Variants in ANKRD28 observed in about 807,000 individuals in gnomAD.
ANKRD28 encodes the protein ankyrin repeat domain 28, also known as serine/threonine-protein phosphatase 6 regulatory ankyrin repeat subunit A.
ANKRD28 carries 44 observed loss-of-function variants against 126.5 expected under a neutral mutation model. That is an observed-to-expected ratio of 0.35 (90% CI 0.27 to 0.45). The LOEUF (loss-of-function observed/expected upper bound fraction) is 0.45, where lower values mean the gene tolerates loss of function less well. Ranked by LOEUF, ANKRD28 falls within the 20% of genes least tolerant of loss-of-function variation. The probability of loss-of-function intolerance (pLI) is 1.00; values close to 1 mark genes in which losing one functional copy is unlikely to be tolerated. For missense variants in ANKRD28, 1,110 were observed against 1,316.6 expected, an observed-to-expected ratio of 0.84 and a Z score of 2.43; for synonymous variants, 442 against 468.5, an observed-to-expected ratio of 0.94 and a Z score of 0.73.
intron 4 of ANKRD28, among the ~76,000 whole-genome samples, chr3:15,746,803 C>G (rs796519398): frequency 3.3e-5 from 5 of 152,248 alleles, no homozygotes; most frequent in African/African-American, 9.6e-5. Context: ...TGATAGAATT[C>G]AGCTGTGAAT....
At chr3:15,705,069 A>G (rs1232550244) in intron 14 of ANKRD28, among the ~76,000 whole-genome samples, 1 of 152,218 alleles carries the variant, frequency 6.6e-6, no homozygotes, top group Non-Finnish European at 1.5e-5. Context: ...TGGAAACTCC[A>G]AGATTTAAAT....
At chr3:15,772,711 G>A (rs1559506520) in intron 2 of ANKRD28, among the ~76,000 whole-genome samples, 1 of 152,124 alleles carries the variant, frequency 6.6e-6, no homozygotes, top group Non-Finnish European at 1.5e-5. Flanking sequence ...TTTTGAGGCA[G>A]AGTCTCCCTC....
In ANKRD28 at chr3:15,859,495, T is replaced by C; in HGVS notation, c.-92A>G. Reference sequence around the variant, plus strand: ...GCCCACTGCTCCCGCCCCAGTAGCCTTGGCCGCTGCCCGGGACCAGCGGGT... The same window carrying C: ...GCCCACTGCTCCCGCCCCAGTAGCCCTGGCCGCTGCCCGGGACCAGCGGGT... On this transcript the variant is annotated 5_prime_UTR_variant, in exon 1 of 28. Transcript: ENST00000399451. The C allele has an allele frequency of 1.8e-5, 23 of 1,244,446 alleles. 1 individual carries two copies. In the South Asian group the frequency reaches 3.2e-4, roughly 17 times the overall value. The allele number at this position is 1,244,446 out of a possible 1,614,324, so 77.1% of individuals were successfully genotyped here.
At chr3:15,694,070 C>A (rs1365903855) in intron 17 of ANKRD28, among the ~76,000 whole-genome samples, 1 of 152,106 alleles carries the variant, frequency 6.6e-6, no homozygotes, top group East Asian at 1.9e-4. Flanking sequence ...CCCTACAACT[C>A]TAACATGCTT....
intron 3 of ANKRD28, among the ~76,000 whole-genome samples, chr3:15,758,942 C>G (rs780610578): frequency 7.2e-5 from 11 of 152,172 alleles, no homozygotes; most frequent in Admixed American, 2.6e-4. Context: ...TTCCACAATG[C>G]AGTCATTTAA....
chr3:15,842,034 A>AT (rs2061433440), intron 1 of ANKRD28, among the ~76,000 whole-genome samples: 1 of 148,898 alleles, frequency 6.7e-6, no homozygotes. Context: ...ATTGTGTATA[A>AT]TTTTTATATA....
Position 15,670,366 on chromosome 3 carries a change from A to G in ANKRD28, c.3156T>C (p.Pro1052=). The stretch of plus-strand genomic sequence containing the variant: ...TGTTATTGAAACTGCAATAGGAGCT[A>G]GGTTCATTCCTCATGATGGGCAAAG... The part of the protein sequence containing the change: ...FEALPIMRNE[P]SSYCSFNNIG... The change falls in exon 28 of 28, where the codon CCT becomes CCC. Residue 1052 remains proline (P), a synonymous_variant. Transcript: ENST00000683139. The G allele has an allele frequency of 6.2e-7, 1 of 1,613,974 alleles. No homozygotes were observed. The highest frequency in any genetic ancestry group is 1.7e-5 in the Admixed American group (1 of 60,024).
intron 3 of ANKRD28, among the ~76,000 whole-genome samples, chr3:15,760,514 C>T (rs2058400876): frequency 6.6e-6 from 1 of 152,118 alleles, no homozygotes. Flanking sequence ...TGAAAGCATC[C>T]AGCACAGGAC....
At chr3:15,760,413 A>G (rs2058393980) in intron 3 of ANKRD28, among the ~76,000 whole-genome samples, 1 of 152,230 alleles carries the variant, frequency 6.6e-6, no homozygotes, top group South Asian at 2.1e-4. Context: ...TTTGAGAGTT[A>G]TTTGAAGAAA....
intron 2 of ANKRD28, among the ~76,000 whole-genome samples, chr3:15,784,039 G>GA (rs1261932121): frequency 1.6e-4 from 24 of 150,024 alleles, no homozygotes; most frequent in Middle Eastern, 3.4e-3. Flanking sequence ...AGCATTGACA[G>GA]AAAAAAAAAT....
rs1466259512 is a variant in ANKRD28 at position 15,797,092 on chromosome 3, G to A, written c.-571C>T. 1 of 984,450 alleles carries A rather than the reference G, an allele frequency of 1.0e-6. No homozygotes were observed. The highest frequency in any genetic ancestry group is 6.2e-5 in the Admixed American group (1 of 16,152). The allele number at this position is 984,450 out of a possible 1,614,324, so 61.0% of individuals were successfully genotyped here. ...AATTTGTCTTCATTTCTTCATCACT[G>A]GTTTAATGCAGATACTATTCACAGA... On this transcript the variant is annotated 5_prime_UTR_variant, in exon 1 of 28. Transcript: ENST00000683139.
At position 15,669,066 on chromosome 3, in the gene ANKRD28, T is replaced by G. The variant is rs940740505; in HGVS notation, c.*1204A>C. 2.0e-5 allele frequency: 3 copies of G among 152,382 alleles called. No homozygotes were observed. Among genetic ancestry groups the G allele is most frequent in the African/African-American group, 7.2e-5 (3 of 41,466 alleles). The allele number at this position is 152,382 out of a possible 1,614,324, so 9.4% of individuals were successfully genotyped here. ...AGTCTTCAATTTGGCAGGCAACTGC[T>G]TCTCTCTCCAAATAGTAACAGGTTA... is the stretch of plus-strand genomic sequence containing the variant. On this transcript the variant is annotated 3_prime_UTR_variant, in exon 28 of 28. Transcript: ENST00000683139.
chr3:15,732,628 G>A (rs933341740), intron 6 of ANKRD28: 1 of 152,188 alleles, frequency 6.6e-6, no homozygotes, highest in Non-Finnish European at 1.5e-5. Context: ...CTCATACTAT[G>A]CCACAGTTAA....
intron 13 of ANKRD28, 23 bp from the exon 14 acceptor site, chr3:15,708,087 A>G: frequency 6.3e-7 from 1 of 1,581,794 alleles, no homozygotes; most frequent in East Asian, 2.3e-5. Context: ...AGTTAATACA[A>G]GAAAGATAAA....
At chr3:15,677,652 CA>C in intron 24 of ANKRD28, 90 bp from the exon 25 acceptor site, 1 of 899,478 alleles carries the variant, frequency 1.1e-6, no homozygotes, top group Non-Finnish European at 1.7e-6. Flanking sequence ...AGATACAAAG[CA>C]AAAAAGTCCC....
chr3:15,792,286 T>G (rs1015017600), intron 2 of ANKRD28, among the ~76,000 whole-genome samples: 2 of 152,198 alleles, frequency 1.3e-5, no homozygotes, highest in East Asian at 3.9e-4. Context: ...GTTGCAGCAC[T>G]GTTTACAATA....
chr3:15,773,579 T>C (rs149480098), intron 2 of ANKRD28, among the ~76,000 whole-genome samples: 4 of 151,940 alleles, frequency 2.6e-5, no homozygotes, highest in African/African-American at 9.7e-5. Flanking sequence ...GAGCCAAGAC[T>C]GCACTCCTGC....
rs2061392637 is a variant in ANKRD28 at position 15,839,700 on chromosome 3, C to A, written c.27+19677G>T. On this transcript the variant is annotated intron_variant, in intron 1 of 27. Coordinates refer to the ANKRD28 transcript ENST00000399451. This position sits in a 1 kb window ranked among gnomAD's most constrained non-coding sequence, Gnocchi z 4.3. Reference sequence around the variant, plus strand: ...CAACACACTAAAAAAAATCATTCATCATGACCAAGTGGGACTTATCCCCCG... The same window carrying A: ...CAACACACTAAAAAAAATCATTCATAATGACCAAGTGGGACTTATCCCCCG... Among the ~76,000 whole-genome samples, 1 of 152,142 alleles carries A rather than the reference C, an allele frequency of 6.6e-6. No homozygotes were observed. The highest frequency in any genetic ancestry group is 1.5e-5 in the Non-Finnish European group (1 of 68,024).
In ANKRD28 at chr3:15,690,132, A is replaced by G; in HGVS notation, c.1850T>C (p.Leu617Pro). The G allele has an allele frequency of 6.2e-7, 1 of 1,610,682 alleles. No homozygotes were observed. Among genetic ancestry groups the G allele is most frequent in the Non-Finnish European group, 8.5e-7 (1 of 1,178,328 alleles). Residue 617 changes from leucine (L) to proline (P), a missense_variant, in exon 18 of 28, where the codon CTA (leucine) becomes CCA (proline). Coordinates refer to ENST00000683139, the MANE Select transcript of ANKRD28 (RefSeq NM_001349278.2). ...DVRNSSGRTP[L>P]DLAAFKGHVE... ...ATGGCCCTTAAAAGCTGCAAGATCTAGGGGTGTTCTTCCACTACTATTTCT... is the reference window on the plus strand; with the variant it reads ...ATGGCCCTTAAAAGCTGCAAGATCTGGGGGTGTTCTTCCACTACTATTTCT...
Sources: allele counts gnomAD v4.1 joint callset (sites outside exome capture counted in the v4.1 genomes callset), GRCh38; gene constraint gnomAD v4.1.1; non-coding constraint Gnocchi (gnomAD v3.1); transcripts MANE v1.5; gene names NCBI Gene and HGNC (gene_info 2026-07-23, HGNC 2026-07-21).